The following HEPH variants were observed in gnomAD, a reference collection of about 807,000 sequenced individuals.
HEPH encodes hephaestin.
HEPH carries 69 observed loss-of-function variants against 80.8 expected under a neutral mutation model. The ratio of observed to expected loss-of-function variants is 0.85; its 90% CI spans 0.70 to 1.04. The LOEUF (loss-of-function observed/expected upper bound fraction) is 1.04. Ranked by LOEUF, HEPH falls within the 50% of genes least tolerant of loss-of-function variation. The probability of loss-of-function intolerance (pLI) is 0.00; values close to 1 mark genes in which losing one functional copy is unlikely to be tolerated. For synonymous variants in HEPH, 431 were observed against 322.8 expected, an observed-to-expected ratio of 1.34 and a Z score of -3.60; for missense variants, 1,115 against 891.3, an observed-to-expected ratio of 1.25 and a Z score of -3.20.
At chrX:66,172,646 T>G in intron 3 of HEPH, 47 bp downstream of exon 3, 2 of 1,082,481 alleles carry the variant, frequency 1.8e-6, no homozygotes, top group East Asian at 3.1e-5. Flanking sequence ...CAAATATCAC[T>G]TTTCCTTTAT....
chrX:66,168,820 G>A (rs1279461638), intron 1 of HEPH, among the ~76,000 whole-genome samples: 2 of 111,577 alleles, frequency 1.8e-5, no homozygotes, highest in African/African-American at 3.3e-5. Flanking sequence ...ATCTGTCAGT[G>A]AATAGTAGCC....
At chrX:66,174,258 A>G (rs1361385774) in intron 4 of HEPH, among the ~76,000 whole-genome samples, 1 of 111,178 alleles carries the variant, frequency 9.0e-6, no homozygotes, top group Non-Finnish European at 1.9e-5. Flanking sequence ...AGAACATACA[A>G]TGTTTAGTTT....
intron 12 of HEPH, among the ~76,000 whole-genome samples, chrX:66,201,326 T>C (rs2147793771): frequency 9.0e-6 from 1 of 110,762 alleles, no homozygotes; most frequent in South Asian, 3.9e-4. Context: ...TTCATTAACT[T>C]GCTGCGTAAC....
intron 11 of HEPH, 37 bp downstream of exon 11, chrX:66,199,065 G>T (rs1285610457): frequency 3.4e-6 from 4 of 1,166,029 alleles, no homozygotes; most frequent in Admixed American, 4.5e-5. Context: ...TAAATTGAGG[G>T]TCCCAAGTAA....
intron 19 of HEPH, among the ~76,000 whole-genome samples, chrX:66,261,024 G>A (rs950649940): frequency 3.2e-4 from 36 of 111,869 alleles, no homozygotes; most frequent in Non-Finnish European, 5.6e-4. Context: ...CAATCCTCCC[G>A]CCTTGGTCTC....
At chrX:66,228,763 A>T (rs958631679) in intron 15 of HEPH, among the ~76,000 whole-genome samples, 1 of 112,416 alleles carries the variant, frequency 8.9e-6, no homozygotes, top group Admixed American at 9.4e-5. Flanking sequence ...GGCCAAAAAC[A>T]TATGGAAAAA....
intron 15 of HEPH, among the ~76,000 whole-genome samples, chrX:66,242,650 C>G (rs767436279): frequency 1.8e-5 from 2 of 112,015 alleles, no homozygotes; most frequent in African/African-American, 6.5e-5. Flanking sequence ...CTATAAAGAA[C>G]TTAAACAAAT....
intron 6 of HEPH, 28 bp downstream of exon 6, chrX:66,189,966 G>A: frequency 8.7e-7 from 1 of 1,150,744 alleles, no homozygotes; most frequent in Non-Finnish European, 1.2e-6. Flanking sequence ...TGACCATTGG[G>A]TTGTAAGAGA....
chrX:66,171,187 T>C (rs762524535), intron 2 of HEPH: 1 of 308,872 alleles, frequency 3.2e-6, no homozygotes, highest in South Asian at 3.0e-5. Flanking sequence ...TGGTAATAAT[T>C]CTCACTTATG....
chrX:66,218,875 A>G (rs1012151559), intron 15 of HEPH, among the ~76,000 whole-genome samples: 13 of 112,112 alleles, frequency 1.2e-4, no homozygotes, highest in African/African-American at 3.2e-5. Context: ...TCAGGGGTCA[A>G]TCTTTAACTA....
At chrX:66,174,168 C>G (rs867662375) in intron 4 of HEPH, among the ~76,000 whole-genome samples, 4 of 110,033 alleles carry the variant, frequency 3.6e-5, no homozygotes, top group Admixed American at 2.9e-4. Flanking sequence ...GCCCCCCCAG[C>G]CTTTTCCCCA....
chrX:66,244,367 T>G (rs2090722029), intron 15 of HEPH, among the ~76,000 whole-genome samples: 1 of 111,798 alleles, frequency 8.9e-6, no homozygotes, highest in Non-Finnish European at 1.9e-5. Context: ...GTTCATTTAT[T>G]TTTATTTTTG....
chrX:66,200,127 A>C (rs1029946727), intron 11 of HEPH, among the ~76,000 whole-genome samples: 1 of 110,747 alleles, frequency 9.0e-6, no homozygotes, highest in Admixed American at 9.6e-5. Context: ...GGGGCGTGGA[A>C]AATGAGATCT....
At chrX:66,234,496 T>C (rs2090280494) in intron 15 of HEPH, among the ~76,000 whole-genome samples, 1 of 111,504 alleles carries the variant, frequency 9.0e-6, no homozygotes, top group Admixed American at 9.5e-5. Context: ...CGCCATACTG[T>C]TTTCCACCAT....
At chrX:66,187,923 AT>A (rs1426465359) in intron 4 of HEPH, among the ~76,000 whole-genome samples, 1 of 111,950 alleles carries the variant, frequency 8.9e-6, no homozygotes, top group Admixed American at 9.4e-5. Context: ...TAAATCTCAA[AT>A]TAGTCATTAT....
intron 19 of HEPH, among the ~76,000 whole-genome samples, 200 bp downstream of exon 19, chrX:66,260,462 A>G (rs2091325487): frequency 9.0e-6 from 1 of 111,084 alleles, no homozygotes; most frequent in Non-Finnish European, 1.9e-5. Flanking sequence ...CCATTGCCCC[A>G]ACTGATATTT....
intron 1 of HEPH, among the ~76,000 whole-genome samples, chrX:66,166,715 C>A (rs751652727): frequency 8.9e-6 from 1 of 111,999 alleles, no homozygotes; most frequent in South Asian, 3.7e-4. Flanking sequence ...TAGAGTAAAA[C>A]AGTACTTAAA....
At position 66,189,740 on chromosome X, in the gene HEPH, C is replaced by A; in HGVS notation, c.865C>A (p.Arg289Ser). 1.7e-6 allele frequency: 2 copies of A among 1,210,975 alleles called. No homozygotes were observed. The highest frequency in any genetic ancestry group is 2.2e-6 in the Non-Finnish European group (2 of 895,046). ...LPELNMCAQKRVAWHLFGMGN... is the reference protein window; with the variant it reads ...LPELNMCAQKSVAWHLFGMGN... ...TGAGCTGAACATGTGTGCACAGAAACGTGTGGCCTGGCACTTGTTTGGCAT... is the reference window on the plus strand; with the variant it reads ...TGAGCTGAACATGTGTGCACAGAAAAGTGTGGCCTGGCACTTGTTTGGCAT... Residue 289 changes from arginine to serine, a missense_variant, in exon 6 of 21, where the codon CGT becomes AGT. By Grantham distance (110) the Arg-to-Ser change is moderately radical (BLOSUM62 -1). Coordinates refer to ENST00000343002, the MANE Select transcript of HEPH (RefSeq NM_001367233.3).
In HEPH at chrX:66,170,619, T is replaced by A. The variant is rs140969599; in HGVS notation, c.49T>A (p.Trp17Arg). The change falls in exon 2 of 21, where the codon TGG becomes AGG. Residue 17 changes from tryptophan to arginine, a missense_variant. Physicochemically the swap from Trp to Arg is moderately radical, Grantham distance 101. Around this residue, in one of 3 missense-constraint regions of HEPH, gnomAD observed 391 missense variants for 343.6 expected, o/e 1.14. Transcript: ENST00000343002. Reference protein sequence around the residue: ...LWALLFMQSLWPQLTDGATRV... With the variant: ...LWALLFMQSLRPQLTDGATRV... ...GGCTCTGCTGTTCATGCAGTCCTTG[T>A]GGCCTCAACTGACTGATGGAGCCAC... 7 of 1,208,547 alleles carry A rather than the reference T, an allele frequency of 5.8e-6. No homozygotes were observed. Among genetic ancestry groups the A allele is most frequent in the Non-Finnish European group, 7.8e-6 (7 of 894,293 alleles).
Sources: gnomAD v4.1 joint callset for allele counts (sites outside exome capture counted in the v4.1 genomes callset) on GRCh38, gnomAD v4.1.1 for gene constraint, gnomAD v4.1.1 regional missense constraint, MANE v1.5 for transcripts, NCBI Gene and HGNC (gene_info 2026-07-23, HGNC 2026-07-21) for gene names.